The following ETFDH variants were observed in gnomAD, a reference collection of about 807,000 sequenced individuals.
The protein encoded by ETFDH is electron transfer flavoprotein dehydrogenase.
A neutral mutation model predicts 73.2 loss-of-function variants in ETFDH; 61 were observed. That is an observed-to-expected ratio of 0.83 (90% CI 0.68 to 1.03). The LOEUF (loss-of-function observed/expected upper bound fraction) is 1.03, where lower values mean the gene tolerates loss of function less well. ETFDH is among the 50% of genes least tolerant of loss of function. The probability of loss-of-function intolerance (pLI) is 0.00; values close to 1 mark genes in which losing one functional copy is unlikely to be tolerated. For missense variants in ETFDH, 685 were observed against 745.0 expected, an observed-to-expected ratio of 0.92 and a Z score of 0.94; for synonymous variants, 243 against 253.3, an observed-to-expected ratio of 0.96 and a Z score of 0.39.
At chr4:158,705,949 C>T (rs529371564) in intron 10 of ETFDH, among the ~76,000 whole-genome samples, 3 of 152,206 alleles carry the variant, frequency 2.0e-5, no homozygotes, top group African/African-American at 4.8e-5. Context: ...GGTGTGGTGG[C>T]GTGTGCCTCT....
chr4:158,699,272 T>C, intron 9 of ETFDH, 142 bp downstream of exon 9: 1 of 755,964 alleles, frequency 1.3e-6, no homozygotes, highest in Non-Finnish European at 2.3e-6. Context: ...TGTCACACAA[T>C]ACTTCAATTA....
chr4:158,677,164 TA>T (rs2150302806), intron 1 of ETFDH, among the ~76,000 whole-genome samples: 1 of 152,340 alleles, frequency 6.6e-6, no homozygotes, highest in East Asian at 1.9e-4. Context: ...CCAAACTCCA[TA>T]AACTATTTGA....
intron 1 of ETFDH, among the ~76,000 whole-genome samples, chr4:158,674,458 A>C (rs1046042831): frequency 1.3e-5 from 2 of 152,016 alleles, no homozygotes; most frequent in Non-Finnish European, 2.9e-5. Context: ...GGTGCCCACC[A>C]CCATGCCTAA....
rs201579588 is a variant in ETFDH, at chr4:158,697,667, G to C, written c.940G>C (p.Glu314Gln). The change falls in exon 8 of 13, where the codon GAA becomes CAA. Residue 314 changes from glutamate to glutamine, a missense_variant. This residue lies in a region of ETFDH where 405 missense variants were observed against 399.3 expected (regional missense o/e 1.01). Coordinates refer to ENST00000511912, the MANE Select transcript of ETFDH (RefSeq NM_004453.4). ...AGGATCTTTCCTCTATCATTTGAAT[G>C]AAGGTGAACCCCTAGTAGCTCTTGG... ...YGGSFLYHLN[E>Q]GEPLVALGLV... 7.4e-6 allele frequency: 12 copies of C among 1,613,746 alleles called. No homozygotes were observed. Among genetic ancestry groups the C allele is most frequent in the Non-Finnish European group, 1.0e-5 (12 of 1,179,788 alleles).
intron 1 of ETFDH, among the ~76,000 whole-genome samples, chr4:158,675,368 A>G (rs561770823): frequency 2.0e-5 from 3 of 152,340 alleles, no homozygotes; most frequent in African/African-American, 7.2e-5. Flanking sequence ...ATATATCAGT[A>G]TTCAATTTCT....
At chr4:158,703,266 C>G (rs368613218) in intron 9 of ETFDH, among the ~76,000 whole-genome samples, 157 bp from the exon 10 acceptor site, 1 of 152,076 alleles carries the variant, frequency 6.6e-6, no homozygotes, top group Non-Finnish European at 1.5e-5. Flanking sequence ...AGAAAACTGC[C>G]CTTGCTCTGT....
At chr4:158,678,288 T>C (rs1025853406) in intron 1 of ETFDH, among the ~76,000 whole-genome samples, 4 of 152,338 alleles carry the variant, frequency 2.6e-5, no homozygotes, top group East Asian at 3.9e-4. Context: ...TGTCTTTTCT[T>C]GTGTCCCAAG....
chr4:158,701,702 C>A (rs1774466166), intron 9 of ETFDH, among the ~76,000 whole-genome samples: 1 of 152,082 alleles, frequency 6.6e-6, no homozygotes, highest in South Asian at 2.1e-4. Context: ...GTACCACTCA[C>A]CATTTTCTCA....
At chr4:158,702,987 CT>C (rs1242452258) in intron 9 of ETFDH, among the ~76,000 whole-genome samples, 3 of 151,968 alleles carry the variant, frequency 2.0e-5, no homozygotes, top group African/African-American at 7.2e-5. Flanking sequence ...AGTTTTTTGT[CT>C]TTTTGATAAT....
At chr4:158,685,666 C>T (rs1274701088) in intron 5 of ETFDH, among the ~76,000 whole-genome samples, 2 of 152,134 alleles carry the variant, frequency 1.3e-5, no homozygotes, top group Non-Finnish European at 2.9e-5. Flanking sequence ...TCTCTGCCCT[C>T]TGAAGGTTCA....
At chr4:158,694,671 A>G (rs1157415018) in intron 6 of ETFDH, among the ~76,000 whole-genome samples, 2 of 152,132 alleles carry the variant, frequency 1.3e-5, no homozygotes, top group Admixed American at 1.3e-4. Context: ...TGTAAAAGGA[A>G]CAGTTATATC....
intron 3 of ETFDH, among the ~76,000 whole-genome samples, chr4:158,684,386 T>C (rs1246021642): frequency 2.4e-5 from 1 of 42,224 alleles, no homozygotes; most frequent in Non-Finnish European, 5.6e-5. Context: ...AGAGACACTG[T>C]CTCAAAAAAA....
rs1372466447 is a variant in ETFDH, at chr4:158,680,528, A to G, written c.96A>G (p.Arg32=). 2 of 1,599,544 alleles carry G rather than the reference A, an allele frequency of 1.3e-6. No individual in the cohort carries two copies. The highest frequency in any genetic ancestry group is 1.7e-4 in the Middle Eastern group (1 of 6,038). ...ATTATCTACCTCTATGTGCTACAAG[A>G]TGGTCTTCAACTTCTACTGTGCCTC... ...KKNYLPLCAT[R]WSSTSTVPRI... is the part of the protein sequence containing the mutation. The change falls in exon 2 of 13, where the codon AGA becomes AGG. Residue 32 remains arginine (R), a synonymous_variant. Transcript: ENST00000511912.
intron 5 of ETFDH, among the ~76,000 whole-genome samples, chr4:158,688,630 G>A (rs1042198152): frequency 6.6e-6 from 1 of 151,970 alleles, no homozygotes; most frequent in Non-Finnish European, 1.5e-5. Flanking sequence ...TCGAGATCAC[G>A]CCACTGCACT....
At chr4:158,683,085 G>T (rs1461732880) in intron 3 of ETFDH, among the ~76,000 whole-genome samples, 2 of 151,958 alleles carry the variant, frequency 1.3e-5, no homozygotes, top group African/African-American at 4.8e-5. Flanking sequence ...ATAATTCCTG[G>T]GACAATGCAA....
intron 6 of ETFDH, among the ~76,000 whole-genome samples, chr4:158,691,878 T>C (rs1774174601): frequency 6.6e-6 from 1 of 152,226 alleles, no homozygotes; most frequent in Non-Finnish European, 1.5e-5. Flanking sequence ...AACCTGCCTA[T>C]TCAGGTTTAT....
At position 158,680,589 on chromosome 4, in the gene ETFDH, A is replaced by T. The variant is rs878853006; in HGVS notation, c.157A>T (p.Lys53Ter). The T allele has an allele frequency of 6.2e-7, 1 of 1,610,782 alleles. No homozygotes were observed. The highest frequency in any genetic ancestry group is 8.5e-7 in the Non-Finnish European group (1 of 1,177,014). The change falls in exon 2 of 13, where the codon AAG (lysine) becomes TAG (stop). Residue 53 changes from lysine to a stop codon, truncating the protein, a stop_gained. Transcript: ENST00000511912. LOFTEE classifies it high-confidence loss of function. ...TTHYTIYPRD[K>*]DKRWEGVNME... ...CCATTATACTATTTATCCCCGGGAT[A>T]AGGACAAGAGATGGGAAGGTAAGTA... is the stretch of plus-strand genomic sequence containing the variant.
intron 1 of ETFDH, among the ~76,000 whole-genome samples, chr4:158,673,631 A>G (rs1773638828): frequency 6.6e-6 from 1 of 152,250 alleles, no homozygotes; most frequent in African/African-American, 2.4e-5. Flanking sequence ...AACTTTGTTT[A>G]AATTTCATGT....
intron 7 of ETFDH, among the ~76,000 whole-genome samples, chr4:158,697,156 A>G (rs1486830326): frequency 2.0e-5 from 3 of 151,682 alleles, no homozygotes; most frequent in Non-Finnish European, 2.9e-5. Flanking sequence ...GTGCAGTGGC[A>G]TGATCTTGGC....
Sources: allele counts gnomAD v4.1 joint callset (sites outside exome capture counted in the v4.1 genomes callset), GRCh38; gene constraint gnomAD v4.1.1; regional missense constraint gnomAD v4.1.1; transcripts MANE v1.5; gene names NCBI Gene and HGNC (gene_info 2026-07-23, HGNC 2026-07-21).